Variants in MAEA observed in about 807,000 individuals in gnomAD.
The protein encoded by MAEA is macrophage erythroblast attacher, E3 ubiquitin ligase.
Under a neutral mutation model 46.2 loss-of-function variants are expected in MAEA, and 22 were observed. The observed-to-expected ratio is 0.48, with a 90% CI of 0.34 to 0.68. The LOEUF is 0.68. MAEA is among the 30% of genes least tolerant of loss of function. The probability of loss-of-function intolerance (pLI) is 0.01; values close to 1 mark genes in which losing one functional copy is unlikely to be tolerated. For synonymous variants in MAEA, 246 were observed against 222.6 expected, an observed-to-expected ratio of 1.11 and a Z score of -0.94; for missense variants, 393 against 558.1, an observed-to-expected ratio of 0.70 and a Z score of 2.98.
At chr4:1,319,843 G>A (rs1178764916) in intron 3 of MAEA, among the ~76,000 whole-genome samples, 2 of 151,748 alleles carry the variant, frequency 1.3e-5, no homozygotes, top group Non-Finnish European at 2.9e-5. Flanking sequence ...AATCATCAAA[G>A]CAAACATGCA....
intron 3 of MAEA, among the ~76,000 whole-genome samples, chr4:1,316,054 G>T (rs937432680): frequency 2.0e-5 from 3 of 151,936 alleles, no homozygotes; most frequent in Non-Finnish European, 2.9e-5. Context: ...ATTTCCCTGT[G>T]GTGTCTGCAC....
chr4:1,330,070 T>A, intron 5 of MAEA: 1 of 985,548 alleles, frequency 1.0e-6, no homozygotes, highest in Non-Finnish European at 1.2e-6. Context: ...CTGGGGTGGC[T>A]GCAGCTCCGC....
chr4:1,334,033 GCCCACCA>G, intron 6 of MAEA, among the ~76,000 whole-genome samples: 1 of 30,950 alleles, frequency 3.2e-5, no homozygotes, highest in Non-Finnish European at 6.1e-5. Context: ...CCCACCCCAT[GCCCACCA>G]TGTGCTCACC....
intron 2 of MAEA, 149 bp from the exon 3 acceptor site, chr4:1,315,248 G>T: frequency 1.4e-6 from 1 of 692,672 alleles, no homozygotes; most frequent in Non-Finnish European, 2.4e-6. Flanking sequence ...CACCTGCCTA[G>T]CGGACTCGGT....
At chr4:1,318,189 A>T (rs948495007) in intron 3 of MAEA, among the ~76,000 whole-genome samples, 3 of 152,180 alleles carry the variant, frequency 2.0e-5, no homozygotes, top group African/African-American at 7.2e-5. Flanking sequence ...GTGTGTTCAT[A>T]GATGACCTAG....
Position 1,325,151 on chromosome 4 carries a change from CTG to C in MAEA, c.580-2473_580-2472del, listed in dbSNP as rs1268996121. On this transcript the variant is annotated intron_variant, in intron 4 of 8. Coordinates refer to ENST00000303400, the MANE Select transcript of MAEA (RefSeq NM_001017405.3). ...TGTGGGGAGGCAAGGAGGAGCCAGA[CTG>C]TGCTCTAACGGGTCCCTGGGACCAG... Among the ~76,000 whole-genome samples the C allele has an allele frequency of 3.3e-5, 5 of 152,188 alleles. No homozygotes were observed. In the East Asian group the frequency reaches 7.7e-4, roughly 23 times the overall value.
Position 1,312,177 on chromosome 4 carries a change from C to T in MAEA, c.252+16C>T, listed in dbSNP as rs375926936. 89 of 1,613,462 alleles carry T rather than the reference C, an allele frequency of 5.5e-5. 1 individual carries two copies. The South Asian group carries it at 7.8e-4, about 14-fold the overall frequency. ...CAAGAGGAAGGTTGGTCCCGCCTGG[C>T]GGTCCCTCTTCAGTCTGGGGCATGG... is the stretch of plus-strand genomic sequence containing the variant. On this transcript the variant is annotated intron_variant, in intron 2 of 8. Coordinates refer to ENST00000303400, the MANE Select transcript of MAEA (RefSeq NM_001017405.3).
chr4:1,303,835 T>G (rs1735565905), intron 1 of MAEA, among the ~76,000 whole-genome samples: 1 of 151,320 alleles, frequency 6.6e-6, no homozygotes, highest in Non-Finnish European at 1.5e-5. Flanking sequence ...TTTGTATGAT[T>G]CAGCTTAATA....
At chr4:1,325,779 G>C (rs1315356850) in intron 4 of MAEA, among the ~76,000 whole-genome samples, 1 of 152,170 alleles carries the variant, frequency 6.6e-6, no homozygotes, top group Non-Finnish European at 1.5e-5. Flanking sequence ...TCTGCCTGCT[G>C]ATTAGTGGGG....
At chr4:1,319,739 CA>C (rs879445582) in intron 3 of MAEA, among the ~76,000 whole-genome samples, 270 of 70,882 alleles carry the variant, frequency 3.8e-3, no homozygotes, top group Admixed American at 4.4e-3. Context: ...GACCCTGTCT[CA>C]AAAAAAAAAA....
chr4:1,325,609 A>C (rs1197779179), intron 4 of MAEA, among the ~76,000 whole-genome samples: 1 of 152,132 alleles, frequency 6.6e-6, no homozygotes, highest in Non-Finnish European at 1.5e-5. Context: ...TCCTGCCTTT[A>C]GACAGAGCCC....
intron 2 of MAEA, 25 bp downstream of exon 2, chr4:1,312,186 T>C (rs1318849437): frequency 1.2e-6 from 2 of 1,613,268 alleles, no homozygotes; most frequent in African/African-American, 2.7e-5. Context: ...GCGGTCCCTC[T>C]TCAGTCTGGG....
chr4:1,313,213 C>G (rs1311707462), intron 2 of MAEA, among the ~76,000 whole-genome samples: 1 of 152,218 alleles, frequency 6.6e-6, no homozygotes, highest in Non-Finnish European at 1.5e-5. Context: ...CGGGCAGAGT[C>G]AATTCAGATT....
At chr4:1,310,033 A>T in intron 1 of MAEA, 1 of 1,167,704 alleles carries the variant, frequency 8.6e-7, no homozygotes, top group Non-Finnish European at 1.1e-6. Flanking sequence ...CGCGCGAGCG[A>T]GGGTGGTTGT....
At chr4:1,293,147 A>T (rs1734282687) in intron 1 of MAEA, among the ~76,000 whole-genome samples, 1 of 151,802 alleles carries the variant, frequency 6.6e-6, no homozygotes, top group Admixed American at 6.6e-5. Flanking sequence ...ACCATCTTTC[A>T]ATTCAACATG....
At chr4:1,332,713 A>G (rs1227127649) in intron 5 of MAEA, 44 bp from the exon 6 acceptor site, 3 of 1,517,778 alleles carry the variant, frequency 2.0e-6, no homozygotes, top group Non-Finnish European at 2.7e-6. Context: ...CTAAAAGTTA[A>G]AATTAAAACG....
intron 1 of MAEA, among the ~76,000 whole-genome samples, chr4:1,294,463 G>A (rs767724581): frequency 6.6e-5 from 10 of 152,070 alleles, no homozygotes; most frequent in Admixed American, 2.0e-4. Context: ...CTGATTCACC[G>A]TAATGGCTGG....
chr4:1,323,684 G>C lies in MAEA; in HGVS notation c.579+1181G>C, dbSNP rs540932373. The C allele has an allele frequency of 2.0e-5, 14 of 693,446 alleles. No homozygotes were observed. The African/African-American group carries it at 2.5e-4, about 12-fold the overall frequency. The allele number at this position is 693,446 out of a possible 1,614,324, so 43.0% of individuals were successfully genotyped here. ...AGAGAGCCGGCACACACCTCACAGT[G>C]GGAACTCTGCCAGGGCTGTTTCCTG... On this transcript the variant is annotated intron_variant, in intron 4 of 8. Transcript: ENST00000303400.
chr4:1,291,919 C>CT (rs1490856029), intron 1 of MAEA, among the ~76,000 whole-genome samples: 1 of 152,224 alleles, frequency 6.6e-6, no homozygotes, highest in South Asian at 2.1e-4. Flanking sequence ...TGAGTTAAAA[C>CT]TTTTTTTCAT....
Sources: allele counts gnomAD v4.1 joint callset (sites outside exome capture counted in the v4.1 genomes callset), GRCh38; gene constraint gnomAD v4.1.1; transcripts MANE v1.5; gene names NCBI Gene and HGNC (gene_info 2026-07-23, HGNC 2026-07-21).